The following DAB1 variants were observed in gnomAD, a reference collection of about 807,000 sequenced individuals.
DAB1 encodes the protein DAB adaptor protein 1, also known as disabled homolog 1.
DAB1 carries 15 observed loss-of-function variants against 64.6 expected under a neutral mutation model. That is an observed-to-expected ratio of 0.23 (90% confidence interval 0.16 to 0.36). The LOEUF is 0.36. Among genes scored for constraint, DAB1 ranks in the 10% least tolerant of loss-of-function variants. DAB1 has a pLI of 1.00. For missense variants in DAB1, 596 were observed against 706.7 expected (o/e 0.84, Z 1.78); for synonymous variants, 235 against 251.9 (o/e 0.93, Z 0.64).
chr1:57,431,179 CAG>C (rs1341914901), intron 7 of DAB1, among the ~76,000 whole-genome samples: 2 of 142,200 alleles, frequency 1.4e-5, no homozygotes, highest in African/African-American at 2.7e-5. Context: ...AAAAAGAAGA[CAG>C]AATGTAAAAA....
intron 1 of DAB1, among the ~76,000 whole-genome samples, chr1:58,533,252 C>T (rs953292767): frequency 6.6e-6 from 1 of 152,124 alleles, no homozygotes; most frequent in African/African-American, 2.4e-5. Context: ...TGCTAAAAAC[C>T]AGGTAACTGT....
intron 7 of DAB1, among the ~76,000 whole-genome samples, chr1:57,561,993 A>C (rs1645058199): frequency 6.6e-6 from 1 of 152,206 alleles, no homozygotes; most frequent in African/African-American, 2.4e-5. Context: ...CAAAACTACC[A>C]TCTGTGGACT....
At chr1:57,778,218 T>A (rs1179124032) in intron 6 of DAB1, among the ~76,000 whole-genome samples, 11 of 152,042 alleles carry the variant, frequency 7.2e-5, no homozygotes, top group Non-Finnish European at 1.6e-4. Flanking sequence ...GATATGATCA[T>A]ATGCATCTTA....
At chr1:58,060,432 T>C (rs1252476969) in intron 5 of DAB1, 2 of 152,268 alleles carry the variant, frequency 1.3e-5, no homozygotes, top group Non-Finnish European at 2.9e-5. Context: ...CTAGATTTCC[T>C]TCTTCTTACT....
rs534639223 is a variant in DAB1, at chr1:58,537,532, G to A, written n.32+9171C>T. On this transcript the variant is annotated intron_variant and non_coding_transcript_variant, in intron 1 of 20. Transcript: ENST00000485760. ...TCTGAGAAGGTCCAATTTCTACCAG[G>A]CAACAATACTCTCTGCCACTTAGCA... Among the ~76,000 whole-genome samples, 6 of 150,006 alleles carry A rather than the reference G, an allele frequency of 4.0e-5. No individual in the cohort carries two copies. The East Asian group carries it at 7.8e-4, about 20-fold the overall frequency.
intron 4 of DAB1, among the ~76,000 whole-genome samples, chr1:58,293,355 T>C (rs1208885517): frequency 1.3e-5 from 2 of 152,198 alleles, no homozygotes; most frequent in African/African-American, 2.4e-5. Flanking sequence ...TTCCCATGTA[T>C]TGTGCATTTT....
intron 1 of DAB1, among the ~76,000 whole-genome samples, chr1:57,845,863 G>A (rs1183732818): frequency 6.6e-6 from 1 of 152,156 alleles, no homozygotes; most frequent in Non-Finnish European, 1.5e-5. Context: ...GCCAAACACA[G>A]TAAATCAACT....
At position 57,619,900 on chromosome 1, in the gene DAB1, C is replaced by G. The variant is rs918903803; in HGVS notation, n.625+29692G>C. Among the ~76,000 whole-genome samples, 3 of 152,108 alleles carry G rather than the reference C, an allele frequency of 2.0e-5. No homozygotes were observed. The East Asian group carries it at 5.8e-4, about 29-fold the overall frequency. The stretch of plus-strand genomic sequence containing the variant: ...AGTGGGACTCTGACCAAGGGCTGAG[C>G]AGGCATGAATACCACCTGAGACGCA... On this transcript the variant is annotated intron_variant and non_coding_transcript_variant, in intron 7 of 20. Coordinates refer to the DAB1 transcript ENST00000485760.
intron 1 of DAB1, among the ~76,000 whole-genome samples, chr1:57,362,739 T>A (rs1308331644): frequency 6.6e-6 from 1 of 152,128 alleles, no homozygotes; most frequent in Non-Finnish European, 1.5e-5. Context: ...CTTAAGTTGT[T>A]TATTAGCTAC....
intron 4 of DAB1, among the ~76,000 whole-genome samples, chr1:58,266,735 A>T (rs1661172282): frequency 6.6e-6 from 1 of 152,242 alleles, no homozygotes; most frequent in Non-Finnish European, 1.5e-5. Context: ...TTTCCCAAAC[A>T]CACTAGAATA....
intron 5 of DAB1, among the ~76,000 whole-genome samples, chr1:58,030,919 C>T (rs913400651): frequency 1.3e-5 from 2 of 152,122 alleles, no homozygotes; most frequent in South Asian, 2.1e-4. Flanking sequence ...AATACATAAA[C>T]AAATGAAGGA....
chr1:57,275,296 A>G (rs2100607069), intron 2 of DAB1, among the ~76,000 whole-genome samples: 1 of 152,270 alleles, frequency 6.6e-6, no homozygotes, highest in South Asian at 2.1e-4. Flanking sequence ...ACTGTATAGG[A>G]GAGACAAATA....
At chr1:57,402,147 T>A (rs566801204) in intron 1 of DAB1, among the ~76,000 whole-genome samples, 1 of 152,174 alleles carries the variant, frequency 6.6e-6, no homozygotes, top group Non-Finnish European at 1.5e-5. Flanking sequence ...AATGAACTTA[T>A]ACCTATGAGG....
chr1:57,154,805 C>A (rs557808367), intron 2 of DAB1, among the ~76,000 whole-genome samples: 2 of 152,260 alleles, frequency 1.3e-5, no homozygotes, highest in South Asian at 4.1e-4. Flanking sequence ...TGACATTGAG[C>A]ACCTTTTCAT....
intron 1 of DAB1, among the ~76,000 whole-genome samples, chr1:57,378,053 C>T (rs954410127): frequency 7.2e-5 from 11 of 152,134 alleles, no homozygotes; most frequent in African/African-American, 1.9e-4. Flanking sequence ...GCAAATGTTC[C>T]CCTGCTGGCC....
chr1:57,724,775 T>C (rs1647189852), intron 6 of DAB1, among the ~76,000 whole-genome samples: 1 of 152,176 alleles, frequency 6.6e-6, no homozygotes. Flanking sequence ...GGAGCAGCTC[T>C]ACCAAGCTTG....
Position 58,247,671 on chromosome 1 carries a change from G to A in DAB1, n.309+95681C>T, listed in dbSNP as rs974880492. Among the ~76,000 whole-genome samples the A allele has an allele frequency of 3.9e-5, 6 of 152,002 alleles. No homozygotes were observed. In the East Asian group the frequency reaches 9.7e-4, roughly 24 times the overall value. Reference sequence around the variant, plus strand: ...TTCCTTTACATTTTTTCTAAGCCGGGGGTAAGACTGGTCTTGCTTCATGCG... The same window carrying A: ...TTCCTTTACATTTTTTCTAAGCCGGAGGTAAGACTGGTCTTGCTTCATGCG... On this transcript the variant is annotated intron_variant and non_coding_transcript_variant, in intron 4 of 20. Transcript: ENST00000485760.
At chr1:58,067,015 T>A (rs761396145) in intron 5 of DAB1, among the ~76,000 whole-genome samples, 10 of 152,180 alleles carry the variant, frequency 6.6e-5, no homozygotes, top group Non-Finnish European at 1.5e-4. Context: ...CTCATGCTGT[T>A]CTCTTCACCT....
At chr1:58,005,608 T>TAA (rs5774389) in intron 5 of DAB1, among the ~76,000 whole-genome samples, 650 of 132,998 alleles carry the variant, frequency 4.9e-3, no homozygotes, top group Non-Finnish European at 6.0e-3. Context: ...CTGCCTTGGT[T>TAA]AAAAAAAAAA....
Sources: gnomAD v4.1 joint callset for allele counts (sites outside exome capture counted in the v4.1 genomes callset) on GRCh38, gnomAD v4.1.1 for gene constraint, MANE v1.5 for transcripts, NCBI Gene and HGNC (gene_info 2026-07-23, HGNC 2026-07-21) for gene names.